Variants in BOD1L1 observed in about 807,000 individuals in gnomAD.
BOD1L1 encodes the protein biorientation of chromosomes in cell division protein 1-like 1.
A neutral mutation model predicts 240.7 loss-of-function variants in BOD1L1; 86 were observed. The observed-to-expected ratio is 0.36, with a 90% CI of 0.30 to 0.43. The LOEUF (loss-of-function observed/expected upper bound fraction) is 0.43. BOD1L1 is among the 20% of genes least tolerant of loss of function. The pLI is 1.00. For synonymous variants in BOD1L1, 1,268 were observed against 1,272.3 expected (o/e 1.00, Z 0.07); for missense variants, 3,554 against 3,643.5 (o/e 0.98, Z 0.63).
In BOD1L1 at chr4:13,615,326, G is replaced by A. The variant is rs562786724; in HGVS notation, c.545C>T (p.Ser182Phe). ...TAPDDEKPDT[S>F]LITQGVPTPG... ...AAGCAAAGCACCTTGTGTAATAAGG[G>A]AAGTGTCTGGTTTCTCATCATCGGG... is the stretch of plus-strand genomic sequence containing the variant. The change falls in exon 3 of 26, where the codon TCC becomes TTC. Residue 182 changes from serine to phenylalanine, a missense_variant. Transcript: ENST00000040738. The A allele has an allele frequency of 6.2e-7, 1 of 1,610,716 alleles. No individual in the cohort carries two copies. The highest frequency in any genetic ancestry group is 1.1e-5 in the South Asian group (1 of 90,656).
chr4:13,620,042 C>T lies in BOD1L1; in HGVS notation c.269G>A (p.Arg90His), dbSNP rs1448029993. 1.2e-6 allele frequency: 2 copies of T among 1,607,322 alleles called. No individual in the cohort carries two copies. Residue 90 changes from arginine (R) to histidine (H), a missense_variant, in exon 2 of 26, where the codon CGT (arginine) becomes CAT (histidine). This residue lies in a region of BOD1L1 where 161 missense variants were observed against 216.4 expected (regional missense o/e 0.74). Coordinates refer to ENST00000040738, the MANE Select transcript of BOD1L1 (RefSeq NM_148894.3). ...TKPAYQNLRQ[R>H]VDNFVANHLA... is the part of the protein sequence containing the mutation. ...GTGATTTGCAACAAAGTTGTCAACA[C>T]GCTGTCTCAGATTCTGATACGCAGG...
At position 13,615,349 on chromosome 4, in the gene BOD1L1, G is replaced by T. The variant is rs370421416; in HGVS notation, c.522C>A (p.Pro174=). The part of the protein sequence containing the change: ...HKEEGSGNTA[P]DDEKPDTSLI... ...GGGAAGTGTCTGGTTTCTCATCATC[G>T]GGAGCTGTGTTGCCACTTCCTTCCT... Residue 174 remains proline (P), a synonymous_variant, in exon 3 of 26, where the codon CCC becomes CCA. Transcript: ENST00000040738. 431 of 1,612,652 alleles carry T rather than the reference G, an allele frequency of 2.7e-4. 1 individual carries two copies. The highest frequency in any genetic ancestry group is 3.5e-4 in the Non-Finnish European group (414 of 1,179,332).
At chr4:13,587,438 T>C (rs10939491) in intron 16 of BOD1L1, among the ~76,000 whole-genome samples, 83,513 of 152,016 alleles carry the variant, frequency 0.55, 26,706 homozygotes, top group East Asian at 0.96. Flanking sequence ...CTGGCTGGGC[T>C]CCAGGGTGTG....
At chr4:13,607,259 TA>T in intron 8 of BOD1L1, 70 bp from the exon 9 acceptor site, 1 of 782,840 alleles carries the variant, frequency 1.3e-6, no homozygotes. Context: ...TTGAAAACAA[TA>T]AAAATCTTTC....
chr4:13,608,599 T>C lies in BOD1L1; in HGVS notation c.1673A>G (p.Glu558Gly). ...TAAAACTTTCCGTTCTTTAAGGACT[T>C]CTTTAATTCTGGCGGCTTTAGGTTC... ...SLEPKAARIK[E>G]VLKERKVLEK... Residue 558 changes from glutamate to glycine, a missense_variant, in exon 8 of 26, where the codon GAA (glutamate) becomes GGA (glycine). Physicochemically the swap from Glu to Gly is moderately conservative, Grantham distance 98. Around this residue, in one of 2 missense-constraint regions of BOD1L1, gnomAD observed 3,393 missense variants for 3,427.1 expected, o/e 0.99. Transcript: ENST00000040738. 6.4e-7 allele frequency: 1 copy of C among 1,560,900 alleles called. No homozygotes were observed. The highest frequency in any genetic ancestry group is 8.7e-7 in the Non-Finnish European group (1 of 1,154,212).
Position 13,604,508 on chromosome 4 carries a change from T to C in BOD1L1, c.2392A>G (p.Lys798Glu). ...ERKSKHRNER[K>E]LSVLGKDGKP... ...CCATCTTTGCCTAATACTGATAATT[T>C]CCTTTCATTCCTATGTTTACTTTTT... Residue 798 changes from lysine (K) to glutamate (E), a missense_variant, in exon 10 of 26, where the codon AAA (lysine) becomes GAA (glutamate). Around this residue, in one of 2 missense-constraint regions of BOD1L1, gnomAD observed 3,393 missense variants for 3,427.1 expected, o/e 0.99. Coordinates refer to ENST00000040738, the MANE Select transcript of BOD1L1 (RefSeq NM_148894.3). The C allele has an allele frequency of 6.5e-7, 1 of 1,529,274 alleles. No homozygotes were observed. Among genetic ancestry groups the C allele is most frequent in the Non-Finnish European group, 8.7e-7 (1 of 1,145,728 alleles). 94.7% of individuals were successfully genotyped at this position (1,529,274 alleles called of 1,614,324 possible). A position where few individuals can be genotyped will look rare whatever the true frequency, so the allele number is the denominator to read the frequency against.
At chr4:13,581,591 A>C (rs1418592111) in intron 19 of BOD1L1, among the ~76,000 whole-genome samples, 6 of 108,628 alleles carry the variant, frequency 5.5e-5, no homozygotes, top group Non-Finnish European at 1.2e-4. Flanking sequence ...TCATACAGAC[A>C]GAACAATAAC....
At chr4:13,585,459 A>C (rs910991727) in intron 17 of BOD1L1, among the ~76,000 whole-genome samples, 7 of 152,168 alleles carry the variant, frequency 4.6e-5, no homozygotes, top group African/African-American at 7.2e-5. Flanking sequence ...CAGAAATGGA[A>C]GAACACCCAA....
At chr4:13,570,869 CCA>C (rs1241230185) in intron 25 of BOD1L1, among the ~76,000 whole-genome samples, 1 of 152,118 alleles carries the variant, frequency 6.6e-6, no homozygotes, top group Non-Finnish European at 1.5e-5. Flanking sequence ...TTGGAATCCC[CCA>C]CAGAGAAATG....
chr4:13,585,414 A>C (rs1401606814), intron 17 of BOD1L1, among the ~76,000 whole-genome samples: 1 of 152,170 alleles, frequency 6.6e-6, no homozygotes, highest in Non-Finnish European at 1.5e-5. Context: ...GAACTAGTTT[A>C]GACAGATAAT....
rs780270178 is a variant in BOD1L1 at position 13,613,473 on chromosome 4, C to G, written c.1324+39G>C. 1.3e-6 allele frequency: 2 copies of G among 1,570,612 alleles called. No individual in the cohort carries two copies. Among genetic ancestry groups the G allele is most frequent in the Admixed American group, 1.7e-5 (1 of 58,786 alleles). On this transcript the variant is annotated intron_variant, in intron 5 of 25. Coordinates refer to ENST00000040738, the MANE Select transcript of BOD1L1 (RefSeq NM_148894.3). This position sits in a 1 kb window ranked among gnomAD's most constrained non-coding sequence, Gnocchi z 4.0. ...ATCAGAATATACAAATAATGCTTGACAGGATGCTTCAGAGGCATTATTATG... is the reference window on the plus strand; with the variant it reads ...ATCAGAATATACAAATAATGCTTGAGAGGATGCTTCAGAGGCATTATTATG...
chr4:13,576,866 T>C lies in BOD1L1; in HGVS notation c.9010A>G (p.Arg3004Gly), dbSNP rs1712792709. 2.5e-6 allele frequency: 4 copies of C among 1,614,056 alleles called. No individual in the cohort carries two copies. Among genetic ancestry groups the C allele is most frequent in the Non-Finnish European group, 3.4e-6 (4 of 1,179,898 alleles). The change falls in exon 25 of 26, where the codon AGA becomes GGA. Residue 3004 changes from arginine to glycine, a missense_variant. Around this residue, in one of 2 missense-constraint regions of BOD1L1, gnomAD observed 3,393 missense variants for 3,427.1 expected, o/e 0.99. Coordinates refer to ENST00000040738, the MANE Select transcript of BOD1L1 (RefSeq NM_148894.3). ...TGAGCCTCTGATCTGGTGGTGGATCTTGTGGTGGCTCCTGAAGGCTCGTCC... is the reference window on the plus strand; with the variant it reads ...TGAGCCTCTGATCTGGTGGTGGATCCTGTGGTGGCTCCTGAAGGCTCGTCC... ...EEDEPSGATT[R>G]STTRSEAQRS...
rs1715676345 is a variant in BOD1L1, at chr4:13,606,068, T to G, written c.1816-984A>C. Among the ~76,000 whole-genome samples, 4 of 152,178 alleles carry G rather than the reference T, an allele frequency of 2.6e-5. No individual in the cohort carries two copies. In the South Asian group the frequency reaches 8.3e-4, roughly 31 times the overall value. ...GGACCTTTGTGCCTCTAGGTCAGTTTAACACTTCATCTCCTTAAATGTCAA... is the reference window on the plus strand; with the variant it reads ...GGACCTTTGTGCCTCTAGGTCAGTTGAACACTTCATCTCCTTAAATGTCAA... On this transcript the variant is annotated intron_variant, in intron 9 of 25. Transcript: ENST00000040738.
intron 19 of BOD1L1, 44 bp downstream of exon 19, chr4:13,582,193 G>A: frequency 2.7e-6 from 4 of 1,490,916 alleles, no homozygotes; most frequent in South Asian, 2.3e-5. Flanking sequence ...TTTGGTTAGT[G>A]CTTAAATAAT....
At chr4:13,622,670 G>A (rs1357590381) in intron 1 of BOD1L1, among the ~76,000 whole-genome samples, 1 of 152,142 alleles carries the variant, frequency 6.6e-6, no homozygotes, top group Non-Finnish European at 1.5e-5. Flanking sequence ...TCATCTGTCT[G>A]AATTATAACA....
intron 23 of BOD1L1, 29 bp from the exon 24 acceptor site, chr4:13,577,516 G>T (rs1560178981): frequency 6.2e-7 from 1 of 1,608,612 alleles, no homozygotes; most frequent in Non-Finnish European, 8.5e-7. Flanking sequence ...AAGTCAAAAG[G>T]GTGGTCAGCT....
At chr4:13,588,559 CATTG>C (rs926333034) in intron 15 of BOD1L1, among the ~76,000 whole-genome samples, 159 bp downstream of exon 15, 2 of 152,266 alleles carry the variant, frequency 1.3e-5, no homozygotes, top group African/African-American at 4.8e-5. Context: ...ATTGCCTAAA[CATTG>C]AAAGGGCATA....
chr4:13,627,556 G>A lies in BOD1L1; in HGVS notation c.32C>T (p.Pro11Leu). The A allele has an allele frequency of 8.8e-7, 1 of 1,137,490 alleles. No individual in the cohort carries two copies. The highest frequency in any genetic ancestry group is 1.1e-6 in the Non-Finnish European group (1 of 927,402). The allele number at this position is 1,137,490 out of a possible 1,614,324, so 70.5% of individuals were successfully genotyped here. A position where few individuals can be genotyped will look rare whatever the true frequency, so the allele number is the denominator to read the frequency against. The change falls in exon 1 of 26, where the codon CCT becomes CTT. Residue 11 changes from proline (P) to leucine (L), a missense_variant. Pro to Leu is a moderately conservative substitution (Grantham distance 98). Around this residue, in one of 2 missense-constraint regions of BOD1L1, gnomAD observed 161 missense variants for 216.4 expected, o/e 0.74. Transcript: ENST00000040738. MATNPQPQPP[P>L]PAPPPPPPQP... ...CGGCGGGGGAGGCGGCGGCGCCGGA[G>A]GAGGCGGCTGCGGCTGTGGGTTGGT...
chr4:13,597,011 G>T lies in BOD1L1; in HGVS notation c.8019+93C>A, dbSNP rs967472342. The T allele has an allele frequency of 1.0e-5, 10 of 982,116 alleles. No homozygotes were observed. The African/African-American group carries it at 1.6e-4, about 16-fold the overall frequency. The allele number at this position is 982,116 out of a possible 1,614,324, so 60.8% of individuals were successfully genotyped here. ...AATATCATAAGTACAATGAGAACAG[G>T]ACCTATATACCACATAAGTATATAT... On this transcript the variant is annotated intron_variant, in intron 11 of 25. Coordinates refer to ENST00000040738, the MANE Select transcript of BOD1L1 (RefSeq NM_148894.3).
Sources: allele counts gnomAD v4.1 joint callset (sites outside exome capture counted in the v4.1 genomes callset), GRCh38; gene constraint gnomAD v4.1.1; regional missense constraint gnomAD v4.1.1; non-coding constraint Gnocchi (gnomAD v3.1); transcripts MANE v1.5; gene names NCBI Gene and HGNC (gene_info 2026-07-23, HGNC 2026-07-21).